Variants in MINK1 observed in about 807,000 individuals in gnomAD.
MINK1 encodes misshapen like kinase 1, also known as misshapen-like kinase 1.
Under a neutral mutation model 178.4 loss-of-function variants are expected in MINK1, and 46 were observed. The ratio of observed to expected loss-of-function variants is 0.26; its 90% CI spans 0.20 to 0.33. The LOEUF is 0.33. Ranked by LOEUF, MINK1 falls within the 10% of genes least tolerant of loss-of-function variation. The pLI is 1.00. For missense variants in MINK1, 1,366 were observed against 1,814.9 expected, an observed-to-expected ratio of 0.75 and a Z score of 4.49; for synonymous variants, 797 against 709.7, an observed-to-expected ratio of 1.12 and a Z score of -1.96.
rs772909930 is a variant in MINK1, at chr17:4,895,249, C to T, written c.3085+7C>T. 5.0e-6 allele frequency: 8 copies of T among 1,613,872 alleles called. No homozygotes were observed. In the Admixed American group the frequency reaches 6.7e-5, roughly 13 times the overall value. ...CTCTGTGCAGCCCTTTGGGGTAAGC[C>T]AGGGCAGGGACAGCTGAGGAGGCTC... On this transcript the variant is annotated splice_region_variant and intron_variant, in intron 25 of 31. Transcript: ENST00000355280. This position sits in a 1 kb window ranked among gnomAD's most constrained non-coding sequence, Gnocchi z 4.3.
chr17:4,896,470 C>G lies in MINK1; in HGVS notation c.3657C>G (p.Pro1219=), dbSNP rs773213158. The change falls in exon 30 of 32, where the codon CCC becomes CCG. Residue 1219 remains proline (P), a synonymous_variant. Transcript: ENST00000355280. This position sits in a 1 kb window ranked among gnomAD's most constrained non-coding sequence, Gnocchi z 4.6. ...CGCCCCATGCCATCATCTTCCTCCC[C>G]AACACCGACGGCATGGAGATGCTGC... ...QITPHAIIFL[P]NTDGMEMLLC... is the part of the protein sequence containing the mutation. 5.6e-6 allele frequency: 9 copies of G among 1,613,868 alleles called. No homozygotes were observed. In the African/African-American group the frequency reaches 1.2e-4, roughly 22 times the overall value.
chr17:4,872,946 C>T (rs1017373521), intron 1 of MINK1, among the ~76,000 whole-genome samples: 3 of 152,176 alleles, frequency 2.0e-5, no homozygotes, highest in Admixed American at 2.0e-4. Flanking sequence ...AAGGGTGCTG[C>T]CCTCATTTCC....
rs1969219138 is a variant in MINK1 at position 4,894,487 on chromosome 17, T to G, written c.2809-38T>G. On this transcript the variant is annotated intron_variant, in intron 23 of 31. Coordinates refer to ENST00000355280, the MANE Select transcript of MINK1 (RefSeq NM_153827.5). The surrounding 1 kb of genome is among the most constrained non-coding windows in gnomAD (Gnocchi z 4.1). ...AGCAGGGGCAGGGCCGCAGCTGGACTTGCACTTGTTTGCCTGACTGCTGTC... is the reference window on the plus strand; with the variant it reads ...AGCAGGGGCAGGGCCGCAGCTGGACGTGCACTTGTTTGCCTGACTGCTGTC... 6.5e-7 allele frequency: 1 copy of G among 1,547,448 alleles called. No homozygotes were observed. The highest frequency in any genetic ancestry group is 8.8e-7 in the Non-Finnish European group (1 of 1,139,018).
chr17:4,882,803 G>A (rs896913596), intron 4 of MINK1, among the ~76,000 whole-genome samples: 8 of 151,710 alleles, frequency 5.3e-5, no homozygotes, highest in African/African-American at 1.9e-4. Flanking sequence ...TCCTTTTTTT[G>A]TTTTTTCCCG....
intron 1 of MINK1, among the ~76,000 whole-genome samples, chr17:4,849,717 AC>A (rs1445757494): frequency 1.3e-5 from 2 of 151,864 alleles, no homozygotes; most frequent in Admixed American, 6.6e-5. Flanking sequence ...GATTACAGGC[AC>A]CCGCCACCAT....
intron 1 of MINK1, among the ~76,000 whole-genome samples, chr17:4,843,227 A>G (rs903081357): frequency 2.0e-5 from 3 of 152,182 alleles, no homozygotes; most frequent in Non-Finnish European, 4.4e-5. Flanking sequence ...CTGTAATCCC[A>G]GCACTTTGGG....
chr17:4,893,463 G>C lies in MINK1; in HGVS notation c.2430G>C (p.Leu810=). 6.3e-7 allele frequency: 1 copy of C among 1,594,458 alleles called. No homozygotes were observed. The highest frequency in any genetic ancestry group is 1.1e-5 in the South Asian group (1 of 90,538). The part of the protein sequence containing the change: ...ADFVLLKERT[L]DEAPRPPKKA... Reference sequence around the variant, plus strand: ...TTGTGTTGCTGAAAGAGCGGACTCTGGACGAGGCCCCTCGGCCTCCCAAGA... The same window carrying C: ...TTGTGTTGCTGAAAGAGCGGACTCTCGACGAGGCCCCTCGGCCTCCCAAGA... The change falls in exon 21 of 32, where the codon CTG becomes CTC. Residue 810 remains leucine, a synonymous_variant. Transcript: ENST00000355280.
intron 1 of MINK1, chr17:4,857,458 G>GTTTTTTTTTTTTTT: frequency 1.3e-5 from 1 of 75,766 alleles, no homozygotes; most frequent in Non-Finnish European, 2.6e-5. Context: ...AAAGATGCTG[G>GTTTTTTTTTTTTTT]TTTTTTTTTT....
chr17:4,847,273 G>A (rs1487534252), intron 1 of MINK1: 1 of 449,322 alleles, frequency 2.2e-6, no homozygotes, highest in East Asian at 7.4e-5. Flanking sequence ...TTCAGATGGA[G>A]TCTCGCTCAG....
intron 1 of MINK1, chr17:4,871,032 TG>T: frequency 3.0e-6 from 1 of 335,924 alleles, no homozygotes. Flanking sequence ...TCTTTAGACT[TG>T]CCTATTCTGG....
At chr17:4,867,500 T>C (rs1915206625) in intron 1 of MINK1, among the ~76,000 whole-genome samples, 1 of 151,494 alleles carries the variant, frequency 6.6e-6, no homozygotes, top group Non-Finnish European at 1.5e-5. Context: ...GAATAATAAT[T>C]AAAATTTTTA....
In MINK1 at chr17:4,894,401, C is replaced by T. The variant is rs552039974; in HGVS notation, c.2808+90C>T. The T allele has an allele frequency of 1.7e-5, 27 of 1,543,894 alleles. No individual in the cohort carries two copies. The highest frequency in any genetic ancestry group is 1.2e-4 in the East Asian group (5 of 41,520). On this transcript the variant is annotated intron_variant, in intron 23 of 31. Transcript: ENST00000355280. This position sits in a 1 kb window ranked among gnomAD's most constrained non-coding sequence, Gnocchi z 4.1. ...TGCTGGGTAACGGCAGAGGATGGGG[C>T]GGAGCGCTGGGAGCTGGACAGCGGG...
chr17:4,871,926 A>AG (rs1567590190), intron 1 of MINK1, among the ~76,000 whole-genome samples: 1 of 152,144 alleles, frequency 6.6e-6, no homozygotes, highest in Non-Finnish European at 1.5e-5. Flanking sequence ...AGCTCACTGT[A>AG]GCCTCAAACT....
At position 4,846,697 on chromosome 17, in the gene MINK1, G is replaced by T. The variant is rs571256940; in HGVS notation, c.57+13057G>T. On this transcript the variant is annotated intron_variant, in intron 1 of 31. Coordinates refer to ENST00000355280, the MANE Select transcript of MINK1 (RefSeq NM_153827.5). Reference sequence around the variant, plus strand: ...TTATTATGACTTTTTTTGAGACAGGGTCGTGCTCTGTTGACCAGGCTGGAG... The same window carrying T: ...TTATTATGACTTTTTTTGAGACAGGTTCGTGCTCTGTTGACCAGGCTGGAG... Among the ~76,000 whole-genome samples the T allele has an allele frequency of 2.6e-5, 4 of 152,262 alleles. No individual in the cohort carries two copies. In the South Asian group the frequency reaches 8.3e-4, roughly 32 times the overall value.
At chr17:4,893,654 GGCA>G in intron 21 of MINK1, 57 bp downstream of exon 21, 1 of 1,490,846 alleles carries the variant, frequency 6.7e-7, no homozygotes, top group Non-Finnish European at 8.9e-7. Flanking sequence ...GAGGGGAAGT[GGCA>G]GTGGGGAAGA....
rs1231314201 is a variant in MINK1 at position 4,848,824 on chromosome 17, A to G, written c.57+15184A>G. Among the ~76,000 whole-genome samples the G allele has an allele frequency of 6.6e-5, 10 of 152,130 alleles. 1 individual carries two copies. The highest frequency in any genetic ancestry group is 6.6e-4 in the Admixed American group (10 of 15,250). Reference sequence around the variant, plus strand: ...CCTGTGCCTCAGTTTTGTCCTTTGTAAAATGAAGGTAACAAGACTCACCTA... The same window carrying G: ...CCTGTGCCTCAGTTTTGTCCTTTGTGAAATGAAGGTAACAAGACTCACCTA... On this transcript the variant is annotated intron_variant, in intron 1 of 31. Coordinates refer to ENST00000355280, the MANE Select transcript of MINK1 (RefSeq NM_153827.5).
chr17:4,885,589 C>T lies in MINK1; in HGVS notation c.615C>T (p.Asn205=). 2.5e-6 allele frequency: 4 copies of T among 1,613,922 alleles called. No homozygotes were observed. Among genetic ancestry groups the T allele is most frequent in the Non-Finnish European group, 3.4e-6 (4 of 1,179,884 alleles). The part of the protein sequence containing the change: ...MAPEVIACDE[N]PDATYDYRSD... ...CAGAGGTCATCGCCTGTGATGAGAA[C>T]CCTGATGCCACCTATGATTACAGGG... is the stretch of plus-strand genomic sequence containing the variant. Residue 205 remains asparagine (N), a synonymous_variant, in exon 7 of 32, where the codon AAC becomes AAT. Transcript: ENST00000355280. This position sits in a 1 kb window ranked among gnomAD's most constrained non-coding sequence, Gnocchi z 5.0.
chr17:4,896,905 T>C lies in MINK1; in HGVS notation c.3915+92T>C, dbSNP rs748191277. ...AGTTCTGGGGAGAGGATGGTGGTGG[T>C]GGCTTCCTGAAAGCGGGCCCCTCTG... On this transcript the variant is annotated intron_variant, in intron 31 of 31. Coordinates refer to ENST00000355280, the MANE Select transcript of MINK1 (RefSeq NM_153827.5). The surrounding 1 kb of genome is among the most constrained non-coding windows in gnomAD (Gnocchi z 4.6). The C allele has an allele frequency of 1.6e-5, 23 of 1,460,878 alleles. No homozygotes were observed. Among genetic ancestry groups the C allele is most frequent in the Non-Finnish European group, 1.9e-5 (21 of 1,103,138 alleles). The allele number at this position is 1,460,878 out of a possible 1,614,324, so 90.5% of individuals were successfully genotyped here. A position where few individuals can be genotyped will look rare whatever the true frequency, so the allele number is the denominator to read the frequency against.
chr17:4,897,005 C>T, intron 31 of MINK1, 192 bp downstream of exon 31: 1 of 957,988 alleles, frequency 1.0e-6, no homozygotes, highest in East Asian at 2.7e-5. Flanking sequence ...CAGCTGGCCC[C>T]CAGGGGGCGA....
Sources: allele counts gnomAD v4.1 joint callset (sites outside exome capture counted in the v4.1 genomes callset), GRCh38; gene constraint gnomAD v4.1.1; non-coding constraint Gnocchi (gnomAD v3.1); transcripts MANE v1.5; gene names NCBI Gene and HGNC (gene_info 2026-07-23, HGNC 2026-07-21).